Variants in RBFOX1 observed in about 807,000 individuals in gnomAD.
RBFOX1 encodes RNA binding protein fox-1 homolog 1.
Under a neutral mutation model 57.7 loss-of-function variants are expected in RBFOX1, and 8 were observed. The observed-to-expected ratio is 0.14, with a 90% CI of 0.08 to 0.25. The LOEUF (loss-of-function observed/expected upper bound fraction) is 0.25. RBFOX1 is among the 10% of genes least tolerant of loss of function. RBFOX1 has a pLI of 1.00. For synonymous variants in RBFOX1, 326 were observed against 222.4 expected, an observed-to-expected ratio of 1.47 and a Z score of -4.15; for missense variants, 611 against 548.5, an observed-to-expected ratio of 1.11 and a Z score of -1.14.
intron 1 of RBFOX1, among the ~76,000 whole-genome samples, chr16:6,200,034 G>C (rs904050208): frequency 6.6e-6 from 1 of 152,150 alleles, no homozygotes; most frequent in Non-Finnish European, 1.5e-5. Flanking sequence ...CCTAGAGATG[G>C]CACCATTTGG....
chr16:6,191,127 TG>T (rs1437922040), intron 1 of RBFOX1, among the ~76,000 whole-genome samples: 2 of 55,756 alleles, frequency 3.6e-5, no homozygotes, highest in Admixed American at 3.4e-4. Flanking sequence ...AATGCGTCTG[TG>T]GTTTTTTTTT....
At chr16:5,588,379 ATGAC>A (rs897761880) in intron 2 of RBFOX1, among the ~76,000 whole-genome samples, 4 of 152,212 alleles carry the variant, frequency 2.6e-5, no homozygotes, top group African/African-American at 9.7e-5. Flanking sequence ...GGAAAAAAAA[ATGAC>A]TGAGAATTGT....
At chr16:7,311,478 C>T (rs75266463) in intron 4 of RBFOX1, among the ~76,000 whole-genome samples, 311 of 122,418 alleles carry the variant, frequency 2.5e-3, no homozygotes, top group Middle Eastern at 9.5e-3. Flanking sequence ...TGAGCCTTTT[C>T]TTTTTTTTTT....
intron 1 of RBFOX1, among the ~76,000 whole-genome samples, chr16:5,400,339 C>T (rs2066679532): frequency 6.6e-6 from 1 of 151,768 alleles, no homozygotes; most frequent in African/African-American, 2.4e-5. Context: ...ATGATCGGCC[C>T]ACCTTGGCCT....
intron 4 of RBFOX1, among the ~76,000 whole-genome samples, chr16:7,298,510 T>C (rs909803715): frequency 9.9e-5 from 15 of 152,084 alleles, no homozygotes; most frequent in Non-Finnish European, 1.9e-4. Flanking sequence ...CAGTCTCATC[T>C]TGAACTCCTG....
At chr16:6,347,526 G>A (rs967441909) in intron 2 of RBFOX1, among the ~76,000 whole-genome samples, 1 of 152,196 alleles carries the variant, frequency 6.6e-6, no homozygotes, top group South Asian at 2.1e-4. Flanking sequence ...CAATCATGGG[G>A]CGCTGTGGAG....
rs571923427 is a variant in RBFOX1, at chr16:5,610,082, T to C, written c.318+11121T>C. Among the ~76,000 whole-genome samples the C allele has an allele frequency of 3.9e-5, 6 of 152,316 alleles. No homozygotes were observed. In the East Asian group the frequency reaches 1.2e-3, roughly 29 times the overall value. ...CCCTCTGACATCCAGTGTATTTTACTTACTTGCCGGCTTGCTGTACCTCCT... is the reference window on the plus strand; with the variant it reads ...CCCTCTGACATCCAGTGTATTTTACCTACTTGCCGGCTTGCTGTACCTCCT... On this transcript the variant is annotated intron_variant, in intron 3 of 19. Coordinates refer to the RBFOX1 transcript ENST00000641259.
intron 3 of RBFOX1, among the ~76,000 whole-genome samples, chr16:7,014,157 G>T (rs951242122): frequency 5.3e-5 from 8 of 152,086 alleles, no homozygotes; most frequent in African/African-American, 1.9e-4. Flanking sequence ...AACTGTCCAA[G>T]GTGCTGAAAC....
intron 1 of RBFOX1, among the ~76,000 whole-genome samples, chr16:6,214,828 A>G (rs1159417460): frequency 8.8e-5 from 4 of 45,594 alleles, no homozygotes; most frequent in East Asian, 7.4e-4. Flanking sequence ...GGAGAGGGGG[A>G]GAGGGGGAGG....
chr16:6,867,012 T>TG, intron 3 of RBFOX1, among the ~76,000 whole-genome samples: 1 of 54,802 alleles, frequency 1.8e-5, no homozygotes, highest in East Asian at 7.2e-4. Flanking sequence ...TGTTAGCTGT[T>TG]CTTTAAAAAA....
chr16:5,371,284 G>C (rs1379992325), intron 1 of RBFOX1, among the ~76,000 whole-genome samples: 1 of 152,166 alleles, frequency 6.6e-6, no homozygotes, highest in African/African-American at 2.4e-5. Context: ...AGGTTAAAAT[G>C]AGGCCCTTAA....
At chr16:5,894,239 G>A (rs1203315413) in intron 4 of RBFOX1, among the ~76,000 whole-genome samples, 1 of 152,144 alleles carries the variant, frequency 6.6e-6, no homozygotes, top group Admixed American at 6.5e-5. Flanking sequence ...AATTGAGGTG[G>A]ACTCGTAGAA....
intron 1 of RBFOX1, among the ~76,000 whole-genome samples, chr16:6,183,488 A>AAATAAAT (rs1386290379): frequency 7.6e-6 from 1 of 130,858 alleles, no homozygotes; most frequent in Non-Finnish European, 1.6e-5. Context: ...TAAAAAAATT[A>AAATAAAT]AATAAATAAA....
At chr16:7,664,075 CTAGATA>C (rs1351148546) in intron 12 of RBFOX1, among the ~76,000 whole-genome samples, 1 of 152,144 alleles carries the variant, frequency 6.6e-6, no homozygotes, top group African/African-American at 2.4e-5. Context: ...TTTGTTTAGT[CTAGATA>C]TAATTTACGT....
intron 1 of RBFOX1, among the ~76,000 whole-genome samples, chr16:5,255,370 A>ATCCATCCC (rs2062565350): frequency 6.8e-6 from 1 of 146,660 alleles, no homozygotes. Context: ...CCATCCATCC[A>ATCCATCCC]TCCATCCATC....
intron 3 of RBFOX1, among the ~76,000 whole-genome samples, chr16:7,021,491 T>C (rs1378074800): frequency 6.9e-6 from 1 of 145,928 alleles, no homozygotes; most frequent in East Asian, 2.0e-4. Flanking sequence ...TATTTTATAT[T>C]AATATTTTAT....
chr16:6,235,376 G>T (rs531533816), intron 1 of RBFOX1, among the ~76,000 whole-genome samples: 1 of 152,102 alleles, frequency 6.6e-6, no homozygotes, highest in Non-Finnish European at 1.5e-5. Flanking sequence ...AGCCCCAGCT[G>T]TCTGTCTGTC....
Position 6,419,707 on chromosome 16 carries a change from C to CTATA in RBFOX1, c.-64+102652_-64+102655dup, listed in dbSNP as rs377094776. Among the ~76,000 whole-genome samples, 109 of 152,278 alleles carry CTATA rather than the reference C, an allele frequency of 7.2e-4. 1 individual carries two copies. The highest frequency in any genetic ancestry group is 2.5e-3 in the African/African-American group (102 of 41,548). On this transcript the variant is annotated intron_variant, in intron 2 of 15. Coordinates refer to ENST00000550418, the MANE Select transcript of RBFOX1 (RefSeq NM_018723.4). ...TCCCACCATTCCCGTTCTTCATAGA[C>CTATA]TATATGACACATCCCAGTCGTGTTC...
chr16:7,002,862 C>T (rs2092951913), intron 3 of RBFOX1, among the ~76,000 whole-genome samples: 1 of 152,108 alleles, frequency 6.6e-6, no homozygotes, highest in Non-Finnish European at 1.5e-5. Flanking sequence ...TCTCAACATC[C>T]CGATACACTC....
Sources: gnomAD v4.1 joint callset for allele counts (sites outside exome capture counted in the v4.1 genomes callset) on GRCh38, gnomAD v4.1.1 for gene constraint, MANE v1.5 for transcripts, NCBI Gene and HGNC (gene_info 2026-07-23, HGNC 2026-07-21) for gene names.